Variants in ACACA observed in about 807,000 individuals in gnomAD.
The protein encoded by ACACA is acetyl-CoA carboxylase alpha, also known as acetyl-CoA carboxylase 1.
Under a neutral mutation model 296.1 loss-of-function variants are expected in ACACA, and 103 were observed. The observed-to-expected ratio is 0.35, with a 90% CI of 0.30 to 0.41. The LOEUF (loss-of-function observed/expected upper bound fraction) is 0.41, where lower values mean the gene tolerates loss of function less well. ACACA is among the 10% of genes least tolerant of loss of function. ACACA has a pLI of 1.00. For synonymous variants in ACACA, 953 were observed against 1,038.6 expected (o/e 0.92, Z 1.58); for missense variants, 1,554 against 2,989.7 (o/e 0.52, Z 11.20).
At chr17:37,205,910 C>G (rs754099106) in intron 32 of ACACA, 38 bp from the exon 33 acceptor site, 35 of 1,444,512 alleles carry the variant, frequency 2.4e-5, no homozygotes, top group Non-Finnish European at 3.4e-5. Flanking sequence ...AATTATGAGG[C>G]TGGCCAATAC....
chr17:37,232,597 G>A (rs1024581331), intron 25 of ACACA, among the ~76,000 whole-genome samples: 19 of 152,126 alleles, frequency 1.2e-4, no homozygotes, highest in African/African-American at 3.6e-4. Flanking sequence ...AAAGAGCACC[G>A]TCTTGAGCTT....
intron 41 of ACACA, among the ~76,000 whole-genome samples, chr17:37,167,108 C>T (rs1163733345): frequency 2.9e-5 from 4 of 136,484 alleles, no homozygotes; most frequent in African/African-American, 1.1e-4. Context: ...CCAGGCCTGG[C>T]TAATTTTTGC....
At chr17:37,325,547 C>CT (rs2047569187) in intron 3 of ACACA, among the ~76,000 whole-genome samples, 1 of 135,596 alleles carries the variant, frequency 7.4e-6, no homozygotes, top group South Asian at 2.4e-4. Context: ...GCTATAACTA[C>CT]TTTTTACTTA....
Position 37,339,851 on chromosome 17 carries a change from C to A in ACACA, c.39-1G>T. The A allele has an allele frequency of 7.8e-7, 1 of 1,280,638 alleles. No homozygotes were observed. Among genetic ancestry groups the A allele is most frequent in the Non-Finnish European group, 1.1e-6 (1 of 916,594 alleles). The allele number at this position is 1,280,638 out of a possible 1,614,324, so 79.3% of individuals were successfully genotyped here. A position where few individuals can be genotyped will look rare whatever the true frequency, so the allele number is the denominator to read the frequency against. The stretch of plus-strand genomic sequence containing the variant: ...AGTAGATATCCACTTCCAAAAAGAC[C>A]TAGAGAGAAAGAGAAAGATTTTAAG... On this transcript the variant is annotated splice_acceptor_variant, in intron 1 of 55. Coordinates refer to ENST00000616317, the MANE Select transcript of ACACA (RefSeq NM_198834.3). LOFTEE classifies it high-confidence loss of function.
intron 1 of ACACA, chr17:37,377,918 G>C: frequency 6.2e-7 from 1 of 1,613,646 alleles, no homozygotes; most frequent in Non-Finnish European, 8.5e-7. Context: ...CAGCTGCCTG[G>C]GATCTTCCCA....
chr17:37,391,677 C>A, intron 1 of ACACA: 1 of 1,613,820 alleles, frequency 6.2e-7, no homozygotes. Context: ...TTCATCAAAC[C>A]CAAAGAAAGC....
chr17:37,114,422 AC>A (rs1457789763), intron 50 of ACACA, among the ~76,000 whole-genome samples: 2 of 151,672 alleles, frequency 1.3e-5, no homozygotes, highest in Non-Finnish European at 2.9e-5. Flanking sequence ...AGTCCCAGCA[AC>A]CCAGGAGGGT....
intron 14 of ACACA, among the ~76,000 whole-genome samples, chr17:37,255,711 C>T (rs530949709): frequency 1.1e-4 from 17 of 152,140 alleles, no homozygotes; most frequent in Non-Finnish European, 1.9e-4. Flanking sequence ...CGAAAAGAAG[C>T]AGTCACACAA....
At chr17:37,103,193 G>C (rs1404030430) in intron 52 of ACACA, among the ~76,000 whole-genome samples, 6 of 152,302 alleles carry the variant, frequency 3.9e-5, no homozygotes, top group African/African-American at 1.2e-4. Context: ...TGATTTAGGG[G>C]AGATTAACAA....
chr17:37,390,139 AGTATATAT>A (rs1568094377), intron 1 of ACACA, among the ~76,000 whole-genome samples: 3 of 17,878 alleles, frequency 1.7e-4, no homozygotes, highest in South Asian at 1.9e-3. Context: ...TAAAAAAAAA[AGTATATAT>A]ATATATATAT....
intron 45 of ACACA, among the ~76,000 whole-genome samples, chr17:37,145,183 G>A (rs2075761034): frequency 2.6e-5 from 4 of 152,308 alleles, no homozygotes; most frequent in Admixed American, 2.6e-4. Context: ...AGTGGTGGGA[G>A]GAGGGAAGTA....
At chr17:37,401,543 C>T (rs1597810081) in intron 1 of ACACA, among the ~76,000 whole-genome samples, 2 of 144,982 alleles carry the variant, frequency 1.4e-5, no homozygotes, top group African/African-American at 2.6e-5. Flanking sequence ...TCTCCCATTC[C>T]GTAGGTTGTC....
chr17:37,351,568 C>T (rs2048904963), intron 1 of ACACA, among the ~76,000 whole-genome samples: 1 of 152,168 alleles, frequency 6.6e-6, no homozygotes. Flanking sequence ...CAATTAATTC[C>T]ATGCTACTCT....
rs372165731 is a variant in ACACA at position 37,138,938 on chromosome 17, CAAG to C, written c.5680-8723_5680-8721del. ...TGGAGATGGTTGCTGACTGCAAATC[CAAG>C]AATAGACACTGTTGGAGGAGTACGG... On this transcript the variant is annotated intron_variant, in intron 45 of 55. Coordinates refer to ENST00000616317, the MANE Select transcript of ACACA (RefSeq NM_198834.3). Among the ~76,000 whole-genome samples the C allele has an allele frequency of 4.5e-3, 682 of 151,956 alleles. 4 individuals carry two copies. Among genetic ancestry groups the C allele is most frequent in the African/African-American group, 0.016 (650 of 41,386 alleles).
chr17:37,114,040 A>G (rs1374863086), intron 50 of ACACA, among the ~76,000 whole-genome samples: 3 of 152,166 alleles, frequency 2.0e-5, no homozygotes, highest in Non-Finnish European at 4.4e-5. Context: ...ATAAAAAATT[A>G]GCTGGGCATG....
chr17:37,228,206 CTTTTTTTTTTTTTT>C (rs11299899), intron 25 of ACACA, among the ~76,000 whole-genome samples: 1 of 106,056 alleles, frequency 9.4e-6, no homozygotes. Flanking sequence ...TTCTCAAACC[CTTTTTTTTTTTTTT>C]TTTTTTTTTT....
chr17:37,196,428 A>T (rs1193492289), intron 35 of ACACA, among the ~76,000 whole-genome samples: 1 of 152,170 alleles, frequency 6.6e-6, no homozygotes, highest in Non-Finnish European at 1.5e-5. Flanking sequence ...CTCTCTCGGG[A>T]GATATGTAGA....
chr17:37,246,021 A>G (rs2080680233), intron 19 of ACACA, among the ~76,000 whole-genome samples: 1 of 152,174 alleles, frequency 6.6e-6, no homozygotes, highest in Non-Finnish European at 1.5e-5. Context: ...GTCTTTGTAC[A>G]TGCTATTCCT....
At position 37,263,912 on chromosome 17, in the gene ACACA, G is replaced by GA. The variant is rs111738937; in HGVS notation, c.1120-19dup. ...GCTTGAACCTGTATTAGAAAAGGGGGAAAAAAAAAACCAATTCTTAAATTT... is the reference window on the plus strand; with the variant it reads ...GCTTGAACCTGTATTAGAAAAGGGGGAAAAAAAAAAACCAATTCTTAAATTT... On this transcript the variant is annotated intron_variant, in intron 10 of 55. Coordinates refer to ENST00000616317, the MANE Select transcript of ACACA (RefSeq NM_198834.3). 23,317 of 1,376,672 alleles carry GA rather than the reference G, an allele frequency of 0.017. 190 individuals are homozygous for GA. The highest frequency in any genetic ancestry group is 0.083 in the African/African-American group (5,653 of 68,054). The allele number at this position is 1,376,672 out of a possible 1,614,324, so 85.3% of individuals were successfully genotyped here.
Sources: gnomAD v4.1 joint callset for allele counts (sites outside exome capture counted in the v4.1 genomes callset) on GRCh38, gnomAD v4.1.1 for gene constraint, MANE v1.5 for transcripts, NCBI Gene and HGNC (gene_info 2026-07-23, HGNC 2026-07-21) for gene names.